The following ZNF124 variants were observed in gnomAD, a reference collection of about 807,000 sequenced individuals.
The protein encoded by ZNF124 is zinc finger protein 124, also known as zinc finger protein HZF-16.
ZNF124 carries 25 observed loss-of-function variants against 26.6 expected under a neutral mutation model. The observed-to-expected ratio is 0.94, with a 90% CI of 0.68 to 1.31. The LOEUF is 1.31. Among genes scored for constraint, ZNF124 ranks in the 40% most tolerant of loss-of-function variants. ZNF124 has a pLI of 0.00. For synonymous variants in ZNF124, 129 were observed against 133.3 expected, an observed-to-expected ratio of 0.97 and a Z score of 0.22; for missense variants, 444 against 422.2, an observed-to-expected ratio of 1.05 and a Z score of -0.45.
intron 3 of ZNF124, chr1:247,138,867 C>T: frequency 2.5e-6 from 1 of 396,692 alleles, no homozygotes; most frequent in Non-Finnish European, 4.4e-6. Context: ...TTAGGGCAAA[C>T]CTGCCTTCCG....
chr1:247,153,373 C>T (rs139692702), downstream of ZNF124, among the ~76,000 whole-genome samples: 5 of 152,118 alleles, frequency 3.3e-5, no homozygotes, highest in East Asian at 3.9e-4. Context: ...ACTTAAACAT[C>T]GAGAGGGTAA....
chr1:247,156,494 C>T lies in ZNF124; in HGVS notation c.*72G>A, dbSNP rs1038451187. The T allele has an allele frequency of 5.5e-6, 8 of 1,447,734 alleles. No individual in the cohort carries two copies. The highest frequency in any genetic ancestry group is 7.3e-6 in the Non-Finnish European group (8 of 1,100,350). The allele number at this position is 1,447,734 out of a possible 1,614,324, so 89.7% of individuals were successfully genotyped here. ...TGGGAAAATTAAGTACTTTCCTACACCTTACATTCACAGTTTCTCTCAAGT... is the reference window on the plus strand; with the variant it reads ...TGGGAAAATTAAGTACTTTCCTACATCTTACATTCACAGTTTCTCTCAAGT... On this transcript the variant is annotated 3_prime_UTR_variant, in exon 4 of 4. Coordinates refer to ENST00000543802, the MANE Select transcript of ZNF124 (RefSeq NM_001297568.2).
intron 3 of ZNF124, among the ~76,000 whole-genome samples, chr1:247,144,423 A>C (rs1254309913): frequency 6.6e-6 from 1 of 152,176 alleles, no homozygotes; most frequent in Non-Finnish European, 1.5e-5. Context: ...GCCTACTACA[A>C]ACTAGGCTTG....
chr1:247,135,223 C>CAA (rs138800470), intron 3 of ZNF124, among the ~76,000 whole-genome samples: 1 of 151,738 alleles, frequency 6.6e-6, no homozygotes, highest in South Asian at 2.1e-4. Context: ...GACAGAGACA[C>CAA]AAAAAACCCT....
chr1:247,165,382 C>T (rs922126478), intron 1 of ZNF124, among the ~76,000 whole-genome samples: 4 of 152,160 alleles, frequency 2.6e-5, no homozygotes, highest in African/African-American at 9.7e-5. Flanking sequence ...AACTGGACCC[C>T]TTCCTTACAC....
At chr1:247,139,137 G>C (rs543140532) in intron 3 of ZNF124, among the ~76,000 whole-genome samples, 4 of 152,110 alleles carry the variant, frequency 2.6e-5, no homozygotes, top group African/African-American at 7.2e-5. Flanking sequence ...GCTGTGCTCC[G>C]ATCACCCTGG....
chr1:247,138,750 C>G lies in ZNF124; in HGVS notation c.219-14879G>C, dbSNP rs1038190323. 30 of 398,388 alleles carry G rather than the reference C, an allele frequency of 7.5e-5. 1 individual carries two copies. Among genetic ancestry groups the G allele is most frequent in the African/African-American group, 6.0e-4 (29 of 48,572 alleles). The allele number at this position is 398,388 out of a possible 1,614,324, so 24.7% of individuals were successfully genotyped here. A position where few individuals can be genotyped will look rare whatever the true frequency, so the allele number is the denominator to read the frequency against. ...AACCCATAAGCACATCTTCATGAAC[C>G]AGTACATCTGTAGGAAAATTGAAAG... On this transcript the variant is annotated intron_variant, in intron 3 of 3. Coordinates refer to the ZNF124 transcript ENST00000472531.
At chr1:247,152,139 G>A (rs942590951), downstream of ZNF124, among the ~76,000 whole-genome samples, 2 of 150,184 alleles carry the variant, frequency 1.3e-5, no homozygotes, top group East Asian at 3.9e-4. Flanking sequence ...CTTAGGACAT[G>A]TGCATGTATC....
intron 3 of ZNF124, among the ~76,000 whole-genome samples, chr1:247,131,446 C>G (rs976560630): frequency 2.0e-5 from 3 of 152,082 alleles, no homozygotes; most frequent in Non-Finnish European, 4.4e-5. Flanking sequence ...GCAACCAGCA[C>G]TGGCCGTGGC....
chr1:247,124,903 A>G (rs764858891), intron 3 of ZNF124, among the ~76,000 whole-genome samples: 12 of 151,982 alleles, frequency 7.9e-5, no homozygotes, highest in Non-Finnish European at 1.3e-4. Flanking sequence ...GGCTCAGGTG[A>G]TCCTCCCACC....
exon 4 of ZNF124, chr1:247,122,071 A>T (rs1672096527): frequency 1.3e-5 from 2 of 152,276 alleles, no homozygotes; most frequent in South Asian, 4.1e-4. Context: ...ATTTCAAGAC[A>T]GCACACTGAG....
At chr1:247,149,873 G>C (rs902754328) in intron 3 of ZNF124, 4 of 152,228 alleles carry the variant, frequency 2.6e-5, no homozygotes, top group Admixed American at 2.6e-4. Flanking sequence ...TATAGGCTGG[G>C]AAGTGCAAAA....
intron 3 of ZNF124, among the ~76,000 whole-genome samples, chr1:247,133,889 G>A (rs1355173348): frequency 6.6e-6 from 1 of 152,034 alleles, no homozygotes; most frequent in African/African-American, 2.4e-5. Context: ...CTGACCTCAG[G>A]TGACCCACCC....
At chr1:247,131,684 C>G (rs539921152) in intron 3 of ZNF124, among the ~76,000 whole-genome samples, 2 of 152,278 alleles carry the variant, frequency 1.3e-5, no homozygotes, top group East Asian at 3.9e-4. Flanking sequence ...AGCCAGAGTG[C>G]CTCTTCAGGC....
At chr1:247,126,187 A>G (rs1672217748) in intron 3 of ZNF124, among the ~76,000 whole-genome samples, 1 of 150,304 alleles carries the variant, frequency 6.7e-6, no homozygotes, top group Non-Finnish European at 1.5e-5. Flanking sequence ...ATACAAGGTT[A>G]AGTGTATATA....
intron 3 of ZNF124, among the ~76,000 whole-genome samples, chr1:247,136,742 C>G (rs1672492029): frequency 6.6e-6 from 1 of 151,930 alleles, no homozygotes; most frequent in South Asian, 2.1e-4. Flanking sequence ...AGGTCAGGAG[C>G]TTGAGACCAG....
intron 3 of ZNF124, among the ~76,000 whole-genome samples, chr1:247,145,633 G>GTT (rs55923514): frequency 1.6e-4 from 23 of 144,418 alleles, no homozygotes; most frequent in African/African-American, 2.5e-4. Context: ...AAAAACTTCT[G>GTT]TTTTTTTTTT....
intron 1 of ZNF124, among the ~76,000 whole-genome samples, chr1:247,161,519 T>C (rs923801614): frequency 2.0e-5 from 3 of 151,528 alleles, no homozygotes; most frequent in South Asian, 2.1e-4. Flanking sequence ...GAGCAAACAA[T>C]AGAGACTGAC....
intron 3 of ZNF124, among the ~76,000 whole-genome samples, chr1:247,158,250 A>C (rs1387708416): frequency 1.5e-5 from 2 of 135,880 alleles, no homozygotes; most frequent in Non-Finnish European, 3.3e-5. Flanking sequence ...ACTCCATCTC[A>C]AACAAAACAA....
Sources: allele counts gnomAD v4.1 joint callset (sites outside exome capture counted in the v4.1 genomes callset), GRCh38; gene constraint gnomAD v4.1.1; transcripts MANE v1.5; gene names NCBI Gene and HGNC (gene_info 2026-07-23, HGNC 2026-07-21).